Variants in GALNTL6 observed in about 807,000 individuals in gnomAD.
GALNTL6 encodes the protein polypeptide N-acetylgalactosaminyltransferase like 6.
A neutral mutation model predicts 73.7 loss-of-function variants in GALNTL6; 46 were observed. The ratio of observed to expected loss-of-function variants is 0.62; its 90% CI spans 0.49 to 0.80. GALNTL6 has a LOEUF of 0.80. Ranked by LOEUF, GALNTL6 falls within the 30% of genes least tolerant of loss-of-function variation. The pLI is 0.00. For missense variants in GALNTL6, 604 were observed against 755.0 expected, an observed-to-expected ratio of 0.80 and a Z score of 2.34; for synonymous variants, 259 against 263.7, an observed-to-expected ratio of 0.98 and a Z score of 0.17.
intron 2 of GALNTL6, among the ~76,000 whole-genome samples, chr4:172,008,032 G>A (rs79080447): frequency 1.3e-5 from 2 of 151,850 alleles, no homozygotes; most frequent in Admixed American, 1.3e-4. Flanking sequence ...CATGAATTAG[G>A]CTTTATAAAA....
intron 10 of GALNTL6, among the ~76,000 whole-genome samples, chr4:172,976,474 CAGA>C (rs1290787641): frequency 2.6e-5 from 4 of 152,104 alleles, no homozygotes; most frequent in African/African-American, 4.8e-5. Context: ...GCTGCATGCC[CAGA>C]AGTACAGTAC....
intron 4 of GALNTL6, among the ~76,000 whole-genome samples, chr4:172,334,581 C>T (rs1741243180): frequency 6.6e-6 from 1 of 152,000 alleles, no homozygotes; most frequent in Non-Finnish European, 1.5e-5. Flanking sequence ...ATTTTTTATC[C>T]TGAAACTTTA....
Position 171,875,803 on chromosome 4 carries a change from G to A in GALNTL6, c.138+61085G>A, listed in dbSNP as rs146921223. On this transcript the variant is annotated intron_variant, in intron 2 of 12. Transcript: ENST00000506823. ...ATATTTTGGGTGGTCTCTGGGGCAT[G>A]GGATTTTCCAGAGCTTCCTCCCCCA... 1.3e-3 allele frequency among the ~76,000 whole-genome samples: 202 copies of A among 149,838 alleles called. 1 individual carries two copies. Among genetic ancestry groups the A allele is most frequent in the African/African-American group, 4.7e-3 (192 of 40,626 alleles).
intron 2 of GALNTL6, among the ~76,000 whole-genome samples, chr4:171,990,402 CA>C (rs1277214029): frequency 1.3e-5 from 2 of 152,084 alleles, no homozygotes; most frequent in African/African-American, 4.8e-5. Context: ...GTAATCTACA[CA>C]GTCACATAAC....
chr4:172,502,839 G>A (rs985223127), intron 5 of GALNTL6, among the ~76,000 whole-genome samples: 7 of 152,160 alleles, frequency 4.6e-5, no homozygotes, highest in Non-Finnish European at 1.0e-4. Flanking sequence ...ACCACAGCAG[G>A]AGTTCTGTCA....
intron 5 of GALNTL6, among the ~76,000 whole-genome samples, chr4:172,632,213 GT>G (rs1417880885): frequency 1.3e-5 from 2 of 152,244 alleles, no homozygotes; most frequent in East Asian, 3.8e-4. Flanking sequence ...ATAGAGTGGG[GT>G]GCTGCTGTAA....
At chr4:172,193,634 G>T (rs576316945) in intron 2 of GALNTL6, among the ~76,000 whole-genome samples, 2 of 151,238 alleles carry the variant, frequency 1.3e-5, no homozygotes, top group African/African-American at 4.9e-5. Context: ...AGGCCGAGGC[G>T]GGTGGATCAT....
chr4:172,542,321 T>A (rs1735587761), intron 5 of GALNTL6, among the ~76,000 whole-genome samples: 1 of 152,114 alleles, frequency 6.6e-6, no homozygotes, highest in Non-Finnish European at 1.5e-5. Flanking sequence ...ATCGCTGCCA[T>A]CTTCAAAATG....
At chr4:171,890,956 G>A (rs959872580) in intron 2 of GALNTL6, among the ~76,000 whole-genome samples, 5 of 151,984 alleles carry the variant, frequency 3.3e-5, no homozygotes, top group South Asian at 2.1e-4. Flanking sequence ...TCATGTTGTC[G>A]TCATTACAAT....
chr4:172,988,075 C>T (rs2126448577), intron 10 of GALNTL6, among the ~76,000 whole-genome samples: 1 of 152,216 alleles, frequency 6.6e-6, no homozygotes, highest in East Asian at 1.9e-4. Context: ...GGATAGTGGG[C>T]AGAAGTTGGA....
Position 172,868,883 on chromosome 4 carries a change from G to T in GALNTL6, c.924-13907G>T, listed in dbSNP as rs1167171341. The stretch of plus-strand genomic sequence containing the variant: ...TTTCCTATTTTTAATCCTGGGACTG[G>T]AGGGCACTGAACAAATGAACTGAGG... On this transcript the variant is annotated intron_variant, in intron 7 of 12. Coordinates refer to ENST00000506823, the MANE Select transcript of GALNTL6 (RefSeq NM_001034845.3). 2.6e-5 allele frequency among the ~76,000 whole-genome samples: 4 copies of T among 152,200 alleles called. No individual in the cohort carries two copies. The South Asian group carries it at 8.3e-4, about 32-fold the overall frequency.
At chr4:172,973,085 G>T (rs1443496900) in intron 10 of GALNTL6, among the ~76,000 whole-genome samples, 1 of 152,078 alleles carries the variant, frequency 6.6e-6, no homozygotes, top group African/African-American at 2.4e-5. Flanking sequence ...AAATTCAAAA[G>T]GAAAGAATTT....
chr4:172,838,035 C>T lies in GALNTL6; in HGVS notation c.923+24312C>T, dbSNP rs531962623. On this transcript the variant is annotated intron_variant, in intron 7 of 12. Transcript: ENST00000506823. ...GTACCTACTATGGAAAGGAATGCCT[C>T]CAAAACAGGAACTTAATGTAGTGCA... Among the ~76,000 whole-genome samples the T allele has an allele frequency of 2.6e-5, 4 of 152,030 alleles. No homozygotes were observed. The South Asian group carries it at 8.3e-4, about 32-fold the overall frequency.
At chr4:172,216,695 G>A (rs1327994258) in intron 2 of GALNTL6, among the ~76,000 whole-genome samples, 1 of 152,054 alleles carries the variant, frequency 6.6e-6, no homozygotes, top group Non-Finnish European at 1.5e-5. Context: ...TCAACAAAAA[G>A]AGTCAAACAC....
intron 5 of GALNTL6, among the ~76,000 whole-genome samples, chr4:172,638,252 A>G (rs1228949671): frequency 1.3e-5 from 2 of 152,174 alleles, no homozygotes; most frequent in East Asian, 1.9e-4. Context: ...ACAAGGAGAC[A>G]AGTATTGCAG....
intron 5 of GALNTL6, among the ~76,000 whole-genome samples, chr4:172,793,967 T>A (rs72998173): frequency 6.6e-6 from 1 of 152,110 alleles, no homozygotes; most frequent in African/African-American, 2.4e-5. Context: ...CACCATTTAT[T>A]TATTGCTTGG....
At chr4:172,450,955 T>C (rs1732186242) in intron 5 of GALNTL6, among the ~76,000 whole-genome samples, 1 of 152,364 alleles carries the variant, frequency 6.6e-6, no homozygotes, top group African/African-American at 2.4e-5. Flanking sequence ...TATTCATTTA[T>C]GTACTTACTG....
intron 5 of GALNTL6, among the ~76,000 whole-genome samples, chr4:172,401,741 A>G (rs1338999774): frequency 2.0e-5 from 3 of 152,106 alleles, no homozygotes; most frequent in African/African-American, 7.2e-5. Context: ...ATTAAATTAT[A>G]CTGTAGATAT....
At chr4:172,368,231 A>T (rs932384406) in intron 5 of GALNTL6, among the ~76,000 whole-genome samples, 3 of 152,112 alleles carry the variant, frequency 2.0e-5, no homozygotes, top group Admixed American at 2.0e-4. Flanking sequence ...ATACAAAAAA[A>T]TTAGCGAGGT....
Sources: gnomAD v4.1 joint callset for allele counts (sites outside exome capture counted in the v4.1 genomes callset) on GRCh38, gnomAD v4.1.1 for gene constraint, MANE v1.5 for transcripts, NCBI Gene and HGNC (gene_info 2026-07-23, HGNC 2026-07-21) for gene names.